PRKAR1B: variants seen among roughly 807,000 people sequenced by gnomAD.
PRKAR1B encodes protein kinase cAMP-dependent type I regulatory subunit beta, also known as cAMP-dependent protein kinase type I-beta regulatory subunit.
A neutral mutation model predicts 46.5 loss-of-function variants in PRKAR1B; 22 were observed. The ratio of observed to expected loss-of-function variants is 0.47; its 90% confidence interval spans 0.34 to 0.68. The LOEUF (loss-of-function observed/expected upper bound fraction) is 0.68. Ranked by LOEUF, PRKAR1B falls within the 30% of genes least tolerant of loss-of-function variation. The pLI is 0.01. For synonymous variants in PRKAR1B, 259 were observed against 217.7 expected (o/e 1.19, Z -1.67); for missense variants, 445 against 535.6 (o/e 0.83, Z 1.67).
At chr7:564,897 T>C (rs1365484458) in intron 9 of PRKAR1B, among the ~76,000 whole-genome samples, 3 of 152,238 alleles carry the variant, frequency 2.0e-5, no homozygotes, top group Admixed American at 6.5e-5. Flanking sequence ...GGGGTATTTT[T>C]CCACCATCCC....
At chr7:588,825 G>T (rs1428423556) in intron 7 of PRKAR1B, among the ~76,000 whole-genome samples, 1 of 90,040 alleles carries the variant, frequency 1.1e-5, no homozygotes, top group African/African-American at 4.7e-5. Flanking sequence ...GATGATGGTG[G>T]TGATGGTGGT....
At chr7:621,410 TG>T (rs1356447974) in intron 4 of PRKAR1B, among the ~76,000 whole-genome samples, 1 of 152,234 alleles carries the variant, frequency 6.6e-6, no homozygotes, top group Non-Finnish European at 1.5e-5. Context: ...AAATCCAAAT[TG>T]TTGGCTTTCC....
intron 4 of PRKAR1B, among the ~76,000 whole-genome samples, chr7:673,317 G>C (rs755322026): frequency 6.6e-6 from 1 of 152,116 alleles, no homozygotes; most frequent in South Asian, 2.1e-4. Context: ...ATTGTAAATT[G>C]ATGTTTAAAT....
intron 7 of PRKAR1B, among the ~76,000 whole-genome samples, chr7:585,020 G>A (rs184451571): frequency 9.2e-5 from 14 of 152,242 alleles, no homozygotes; most frequent in Admixed American, 2.6e-4. Flanking sequence ...GGATCCAGCC[G>A]TGCCTGAAGC....
At chr7:564,831 G>A (rs532732589) in intron 9 of PRKAR1B, among the ~76,000 whole-genome samples, 1 of 152,342 alleles carries the variant, frequency 6.6e-6, no homozygotes, top group South Asian at 2.1e-4. Flanking sequence ...CAGCTTTGGA[G>A]GGAGGAAGTG....
At chr7:652,215 G>A (rs183425190) in intron 4 of PRKAR1B, among the ~76,000 whole-genome samples, 8 of 138,462 alleles carry the variant, frequency 5.8e-5, no homozygotes, top group South Asian at 2.4e-4. Context: ...GGAACCTGGG[G>A]AAACCCCTCT....
chr7:707,919 G>T lies in PRKAR1B; in HGVS notation c.177+3410C>A, dbSNP rs1325924021. On this transcript the variant is annotated intron_variant, in intron 2 of 10. Transcript: ENST00000537384. ...GATCACCAGCACCACCTGGAGCCGG[G>T]GGAGACACAGAACCTTCTCCCACAC... 1.3e-5 allele frequency among the ~76,000 whole-genome samples: 2 copies of T among 151,162 alleles called. 1 individual carries two copies. Among genetic ancestry groups the T allele is most frequent in the South Asian group, 4.2e-4 (2 of 4,766 alleles).
At chr7:595,316 C>T (rs966115945) in intron 7 of PRKAR1B, among the ~76,000 whole-genome samples, 2 of 152,046 alleles carry the variant, frequency 1.3e-5, no homozygotes, top group Non-Finnish European at 2.9e-5. Context: ...GGCCCCTCCA[C>T]GGAACAGCAG....
intron 9 of PRKAR1B, among the ~76,000 whole-genome samples, chr7:568,707 G>C (rs112742331): frequency 6.6e-6 from 1 of 152,160 alleles, no homozygotes; most frequent in Non-Finnish European, 1.5e-5. Flanking sequence ...CCAGAACTGC[G>C]CATCTGTTAG....
chr7:633,260 G>A (rs1783867987), intron 4 of PRKAR1B, among the ~76,000 whole-genome samples: 1 of 152,136 alleles, frequency 6.6e-6, no homozygotes, highest in South Asian at 2.1e-4. Flanking sequence ...CAGGCAGGAG[G>A]GGCCGTGACT....
chr7:597,928 A>G (rs1490497902), intron 6 of PRKAR1B, among the ~76,000 whole-genome samples: 5 of 152,210 alleles, frequency 3.3e-5, no homozygotes, highest in African/African-American at 4.8e-5. Flanking sequence ...TGAGTTTCAC[A>G]TCGCTCAGAT....
chr7:659,073 A>G (rs979251444), intron 4 of PRKAR1B, among the ~76,000 whole-genome samples: 1 of 152,168 alleles, frequency 6.6e-6, no homozygotes, highest in Admixed American at 6.5e-5. Context: ...CTCTGCGGAG[A>G]TGTGCAGGAC....
intron 2 of PRKAR1B, among the ~76,000 whole-genome samples, chr7:708,339 C>T (rs1780439478): frequency 6.6e-6 from 1 of 152,114 alleles, no homozygotes; most frequent in South Asian, 2.1e-4. Flanking sequence ...TTAAGATGCC[C>T]GGTGTGTGGT....
rs1362421673 is a variant in PRKAR1B at position 583,598 on chromosome 7, A to G, written c.769+910T>C. Among the ~76,000 whole-genome samples the G allele has an allele frequency of 1.3e-4, 10 of 74,806 alleles. No individual in the cohort carries two copies. In the East Asian group the frequency reaches 1.8e-3, roughly 14 times the overall value. The allele number at this position is 74,806 out of a possible 152,430, so 49.1% of individuals were successfully genotyped here. A position where few individuals can be genotyped will look rare whatever the true frequency, so the allele number is the denominator to read the frequency against. ...CACACACTTGCACACTCCCAGGTGC[A>G]CACACACCCCCTCACACGTGCACAC... On this transcript the variant is annotated intron_variant, in intron 8 of 10. Coordinates refer to ENST00000537384, the MANE Select transcript of PRKAR1B (RefSeq NM_001164760.2).
At chr7:684,773 G>A (rs1202535061) in intron 2 of PRKAR1B, among the ~76,000 whole-genome samples, 2 of 151,994 alleles carry the variant, frequency 1.3e-5, no homozygotes. Context: ...CACAAGAGTA[G>A]ACAGAGTAAT....
chr7:706,422 A>ATTTTTT (rs33963335), intron 2 of PRKAR1B, among the ~76,000 whole-genome samples: 9 of 102,310 alleles, frequency 8.8e-5, no homozygotes, highest in Non-Finnish European at 1.3e-4. Flanking sequence ...CAAATAAGGA[A>ATTTTTT]TTTTTTTTTT....
intron 2 of PRKAR1B, among the ~76,000 whole-genome samples, chr7:710,172 G>A (rs893146388): frequency 3.3e-5 from 5 of 152,162 alleles, no homozygotes; most frequent in African/African-American, 4.8e-5. Context: ...AAACACCGCC[G>A]GATGGGGACC....
chr7:645,664 C>T (rs927904508), intron 4 of PRKAR1B, among the ~76,000 whole-genome samples: 1 of 152,118 alleles, frequency 6.6e-6, no homozygotes, highest in Non-Finnish European at 1.5e-5. Flanking sequence ...CTGGGAGGGC[C>T]TGGGAGGCAG....
At chr7:651,235 G>C (rs1001846669) in intron 4 of PRKAR1B, among the ~76,000 whole-genome samples, 1 of 152,230 alleles carries the variant, frequency 6.6e-6, no homozygotes, top group Non-Finnish European at 1.5e-5. Flanking sequence ...GACCTGCCAT[G>C]AGGGGTGATT....
Sources: allele counts gnomAD v4.1 joint callset (sites outside exome capture counted in the v4.1 genomes callset), GRCh38; gene constraint gnomAD v4.1.1; transcripts MANE v1.5; gene names NCBI Gene and HGNC (gene_info 2026-07-23, HGNC 2026-07-21).